ST6GALNAC3: variants seen among roughly 807,000 people sequenced by gnomAD.
The protein encoded by ST6GALNAC3 is alpha-N-acetylgalactosaminide alpha-2,6-sialyltransferase 3.
Under a neutral mutation model 32.7 loss-of-function variants are expected in ST6GALNAC3, and 25 were observed. The ratio of observed to expected loss-of-function variants is 0.76; its 90% CI spans 0.56 to 1.07. The LOEUF (loss-of-function observed/expected upper bound fraction) is 1.07. ST6GALNAC3 is among the 50% of genes least tolerant of loss of function. The pLI, the probability that ST6GALNAC3 is intolerant of heterozygous loss-of-function variation, is 0.00. For synonymous variants in ST6GALNAC3, 129 were observed against 133.1 expected (o/e 0.97, Z 0.21); for missense variants, 355 against 382.4 (o/e 0.93, Z 0.60).
At chr1:76,241,138 G>A (rs1459111103) in intron 1 of ST6GALNAC3, among the ~76,000 whole-genome samples, 2 of 152,162 alleles carry the variant, frequency 1.3e-5, no homozygotes, top group Admixed American at 1.3e-4. Context: ...TTTTAAATTT[G>A]TAGAGTCTTC....
intron 1 of ST6GALNAC3, among the ~76,000 whole-genome samples, chr1:76,243,068 C>T (rs1413053146): frequency 6.6e-6 from 1 of 152,202 alleles, no homozygotes; most frequent in Non-Finnish European, 1.5e-5. Flanking sequence ...TACATTCCCA[C>T]CAACAGTGTA....
intron 2 of ST6GALNAC3, among the ~76,000 whole-genome samples, chr1:76,403,876 A>G (rs552984529): frequency 3.9e-5 from 6 of 152,214 alleles, no homozygotes; most frequent in Middle Eastern, 6.8e-3. Context: ...GATATGAATT[A>G]TTACCATAAT....
chr1:76,597,001 C>T (rs1647147705), intron 3 of ST6GALNAC3, among the ~76,000 whole-genome samples: 1 of 152,122 alleles, frequency 6.6e-6, no homozygotes, highest in African/African-American at 2.4e-5. Flanking sequence ...GATTTACTAG[C>T]ATAAAAGATT....
chr1:76,085,259 G>C (rs1557600134), intron 1 of ST6GALNAC3, among the ~76,000 whole-genome samples: 1 of 152,212 alleles, frequency 6.6e-6, no homozygotes, highest in South Asian at 2.1e-4. Flanking sequence ...GATGGGTACT[G>C]TATGGTCTAT....
intron 1 of ST6GALNAC3, among the ~76,000 whole-genome samples, chr1:76,273,276 T>A (rs1658953800): frequency 6.6e-6 from 1 of 151,294 alleles, no homozygotes; most frequent in Non-Finnish European, 1.5e-5. Flanking sequence ...AATATTTATA[T>A]AGAGAAAGCT....
chr1:76,078,394 C>T (rs1646845191), intron 1 of ST6GALNAC3, among the ~76,000 whole-genome samples: 1 of 152,140 alleles, frequency 6.6e-6, no homozygotes, highest in African/African-American at 2.4e-5. Flanking sequence ...ATGCTGAGGG[C>T]CCATTCTGCC....
intron 2 of ST6GALNAC3, among the ~76,000 whole-genome samples, chr1:76,352,101 T>A (rs1570827): frequency 0.33 from 49,924 of 151,988 alleles, 9,071 homozygotes; most frequent in East Asian, 0.68. Flanking sequence ...GGGACAATAA[T>A]GAAAAAAGAA....
At position 76,257,844 on chromosome 1, in the gene ST6GALNAC3, C is replaced by T. The variant is rs142199582; in HGVS notation, c.19-55961C>T. Among the ~76,000 whole-genome samples, 39 of 152,144 alleles carry T rather than the reference C, an allele frequency of 2.6e-4. No individual in the cohort carries two copies. The East Asian group carries it at 7.5e-3, about 29-fold the overall frequency. On this transcript the variant is annotated intron_variant, in intron 1 of 4. Coordinates refer to ENST00000328299, the MANE Select transcript of ST6GALNAC3 (RefSeq NM_152996.4). ...GCTAATGATGTTATTTTATTTTTGT[C>T]CGGTATCTTTACACCCTTAGTTGCT...
intron 3 of ST6GALNAC3, among the ~76,000 whole-genome samples, chr1:76,481,343 A>T (rs914081871): frequency 6.6e-6 from 1 of 152,140 alleles, no homozygotes; most frequent in South Asian, 2.1e-4. Context: ...GTTTCAACAA[A>T]CTCTAACTTG....
At chr1:76,082,782 C>T (rs1646914409) in intron 1 of ST6GALNAC3, among the ~76,000 whole-genome samples, 1 of 152,078 alleles carries the variant, frequency 6.6e-6, no homozygotes, top group Non-Finnish European at 1.5e-5. Context: ...GGGCCAACAA[C>T]ATCTGGTACT....
At chr1:76,218,341 C>T (rs1166924639) in intron 1 of ST6GALNAC3, among the ~76,000 whole-genome samples, 2 of 152,180 alleles carry the variant, frequency 1.3e-5, no homozygotes, top group African/African-American at 2.4e-5. Context: ...GCCTCCTGCC[C>T]ATGTCAAAGA....
intron 1 of ST6GALNAC3, among the ~76,000 whole-genome samples, chr1:76,185,932 G>A (rs1653525976): frequency 6.6e-6 from 1 of 152,188 alleles, no homozygotes; most frequent in Admixed American, 6.5e-5. Flanking sequence ...GGTATTATAA[G>A]TAATCTAGAG....
chr1:76,270,404 C>T lies in ST6GALNAC3; in HGVS notation c.19-43401C>T, dbSNP rs577579090. On this transcript the variant is annotated intron_variant, in intron 1 of 4. Transcript: ENST00000328299. ...TGCCTGTAATCCCAGCTACTCAGGACGCTGAGGCAGGAGAATTGCTTGAAC... is the reference window on the plus strand; with the variant it reads ...TGCCTGTAATCCCAGCTACTCAGGATGCTGAGGCAGGAGAATTGCTTGAAC... 5.6e-4 allele frequency among the ~76,000 whole-genome samples: 84 copies of T among 149,298 alleles called. No individual in the cohort carries two copies. In the South Asian group the frequency reaches 7.0e-3, roughly 12 times the overall value.
rs939023835 is a variant in ST6GALNAC3 at position 76,455,756 on chromosome 1, G to T, written c.623+43339G>T. Among the ~76,000 whole-genome samples the T allele has an allele frequency of 5.3e-5, 8 of 152,204 alleles. No individual in the cohort carries two copies. In the South Asian group the frequency reaches 1.7e-3, roughly 32 times the overall value. ...TGTTCCTCTTTTACCCCAGCATTTT[G>T]TTGTGCTTTTTAAGATATCCTGGAC... On this transcript the variant is annotated intron_variant, in intron 3 of 4. Transcript: ENST00000328299.
At position 76,187,599 on chromosome 1, in the gene ST6GALNAC3, A is replaced by C. The variant is rs540795473; in HGVS notation, c.18+112715A>C. On this transcript the variant is annotated intron_variant, in intron 1 of 4. Coordinates refer to ENST00000328299, the MANE Select transcript of ST6GALNAC3 (RefSeq NM_152996.4). ...CCAAAGGAACTCTGGAGTACTTTGCAATCCTGCTGGAAGGCAGGGGAGATG... is the reference window on the plus strand; with the variant it reads ...CCAAAGGAACTCTGGAGTACTTTGCCATCCTGCTGGAAGGCAGGGGAGATG... Among the ~76,000 whole-genome samples the C allele has an allele frequency of 2.0e-5, 3 of 152,316 alleles. No individual in the cohort carries two copies. The South Asian group carries it at 6.2e-4, about 32-fold the overall frequency.
At chr1:76,129,902 T>A (rs1649498756) in intron 1 of ST6GALNAC3, among the ~76,000 whole-genome samples, 1 of 152,108 alleles carries the variant, frequency 6.6e-6, no homozygotes, top group Non-Finnish European at 1.5e-5. Context: ...TCACGATAGG[T>A]CATCATTCTC....
chr1:76,442,023 G>A (rs1571240188), intron 3 of ST6GALNAC3, among the ~76,000 whole-genome samples: 1 of 152,198 alleles, frequency 6.6e-6, no homozygotes, highest in Admixed American at 6.5e-5. Context: ...ATAAATACTA[G>A]TGTGCAGGTG....
rs900074135 is a variant in ST6GALNAC3 at position 76,430,942 on chromosome 1, G to A, written c.623+18525G>A. ...TCTGAGCCTTCTGCTTATAGAAATCGTGTAAAGCCTCTTGGTAGAATGAAG... is the reference window on the plus strand; with the variant it reads ...TCTGAGCCTTCTGCTTATAGAAATCATGTAAAGCCTCTTGGTAGAATGAAG... On this transcript the variant is annotated intron_variant, in intron 3 of 4. Transcript: ENST00000328299. Among the ~76,000 whole-genome samples the A allele has an allele frequency of 5.9e-5, 9 of 152,084 alleles. No homozygotes were observed. The East Asian group carries it at 9.6e-4, about 16-fold the overall frequency.
At chr1:76,423,400 A>G (rs1655163463) in intron 3 of ST6GALNAC3, among the ~76,000 whole-genome samples, 1 of 152,008 alleles carries the variant, frequency 6.6e-6, no homozygotes, top group Non-Finnish European at 1.5e-5. Flanking sequence ...ACCAAAGCCA[A>G]GCGTTCTTTT....
Sources: gnomAD v4.1 joint callset for allele counts (sites outside exome capture counted in the v4.1 genomes callset) on GRCh38, gnomAD v4.1.1 for gene constraint, MANE v1.5 for transcripts, NCBI Gene and HGNC (gene_info 2026-07-23, HGNC 2026-07-21) for gene names.